Variants in C19orf44 observed in about 807,000 individuals in gnomAD.
C19orf44 encodes the protein chromosome 19 open reading frame 44.
A neutral mutation model predicts 50.7 loss-of-function variants in C19orf44; 43 were observed. The observed-to-expected ratio is 0.85, with a 90% confidence interval of 0.66 to 1.09. C19orf44 has a LOEUF of 1.09. Among genes scored for constraint, C19orf44 ranks in the 50% least tolerant of loss-of-function variants. C19orf44 has a pLI of 0.00. For missense variants in C19orf44, 722 were observed against 836.2 expected (o/e 0.86, Z 1.68); for synonymous variants, 298 against 334.7 (o/e 0.89, Z 1.20).
chr19:16,516,871 G>A (rs1377976362), intron 7 of C19orf44, among the ~76,000 whole-genome samples: 3 of 152,208 alleles, frequency 2.0e-5, no homozygotes, highest in Non-Finnish European at 4.4e-5. Context: ...TCTGTTGGGC[G>A]TCCATCAGCC....
In C19orf44 at chr19:16,521,202, C is replaced by A; in HGVS notation, c.*1149C>A. 1 of 578,740 alleles carries A rather than the reference C, an allele frequency of 1.7e-6. No individual in the cohort carries two copies. The highest frequency in any genetic ancestry group is 3.1e-6 in the Non-Finnish European group (1 of 323,604). The allele number at this position is 578,740 out of a possible 1,614,324, so 35.9% of individuals were successfully genotyped here. On this transcript the variant is annotated 3_prime_UTR_variant, in exon 9 of 9. Coordinates refer to ENST00000221671, the MANE Select transcript of C19orf44 (RefSeq NM_032207.4). ...ACAGGAACACTGACTCATGGGTGGA[C>A]AGGCCTGCAGCCCAGCACAGGAAGG...
Position 16,501,309 on chromosome 19 carries a change from T to C in C19orf44, c.517T>C (p.Phe173Leu). 1 of 1,614,056 alleles carries C rather than the reference T, an allele frequency of 6.2e-7. No homozygotes were observed. The highest frequency in any genetic ancestry group is 1.7e-5 in the Admixed American group (1 of 59,996). Residue 173 changes from phenylalanine to leucine, a missense_variant, in exon 2 of 9, where the codon TTT (phenylalanine) becomes CTT (leucine). Phe to Leu is a conservative substitution (Grantham distance 22). Transcript: ENST00000221671. ...TGCACAGAACGCGAAGGTCAGTAGG[T>C]TTCTAAAGAAGAAACAAGCACCTGT... ...NNAQNAKVSR[F>L]LKKKQAPVEN...
chr19:16,514,253 G>C (rs1158673856), intron 6 of C19orf44, among the ~76,000 whole-genome samples: 1 of 151,702 alleles, frequency 6.6e-6, no homozygotes, highest in African/African-American at 2.4e-5. Context: ...TGATCCGCCT[G>C]CCTCAGCCTT....
intron 5 of C19orf44, among the ~76,000 whole-genome samples, chr19:16,512,077 T>TG (rs911303943): frequency 1.3e-5 from 2 of 151,502 alleles, no homozygotes; most frequent in African/African-American, 2.4e-5. Flanking sequence ...TGTTTTGATT[T>TG]GGGGGCTTAA....
At chr19:16,506,255 G>A (rs530649265) in intron 3 of C19orf44, among the ~76,000 whole-genome samples, 20 of 152,118 alleles carry the variant, frequency 1.3e-4, no homozygotes, top group Admixed American at 3.9e-4. Context: ...GATTACAGGC[G>A]TGAGTCACCG....
intron 7 of C19orf44, 66 bp from the exon 8 acceptor site, chr19:16,517,164 A>C: frequency 6.8e-7 from 1 of 1,476,858 alleles, no homozygotes; most frequent in Non-Finnish European, 9.4e-7. Flanking sequence ...TCCCTCCTCC[A>C]GCACCCTGTC....
At chr19:16,497,150 G>A (rs967753627) in intron 1 of C19orf44, among the ~76,000 whole-genome samples, 1 of 151,952 alleles carries the variant, frequency 6.6e-6, no homozygotes, top group African/African-American at 2.4e-5. Context: ...GTTTCACCAT[G>A]TTTGCCACGC....
At chr19:16,510,714 T>C (rs188914348) in intron 5 of C19orf44, among the ~76,000 whole-genome samples, 5 of 152,190 alleles carry the variant, frequency 3.3e-5, no homozygotes, top group Non-Finnish European at 7.4e-5. Flanking sequence ...CCTGGGTGAC[T>C]TTCCAGATAT....
chr19:16,500,501 C>T (rs1004427374), intron 1 of C19orf44, among the ~76,000 whole-genome samples: 24 of 151,554 alleles, frequency 1.6e-4, no homozygotes, highest in Non-Finnish European at 2.9e-4. Flanking sequence ...TGCACCACCA[C>T]GTCCAGCTAA....
chr19:16,500,062 T>C (rs2093420660), intron 1 of C19orf44, among the ~76,000 whole-genome samples: 2 of 151,788 alleles, frequency 1.3e-5, no homozygotes, highest in South Asian at 4.1e-4. Flanking sequence ...GCTGGGATTA[T>C]AGGCATGAGC....
intron 8 of C19orf44, 24 bp downstream of exon 8, chr19:16,517,365 G>GCA (rs955515456): frequency 2.1e-5 from 30 of 1,422,480 alleles, no homozygotes; most frequent in South Asian, 5.9e-5. Flanking sequence ...TGTACTCAGT[G>GCA]CACACACACG....
chr19:16,504,424 C>T (rs2093434307), intron 3 of C19orf44, among the ~76,000 whole-genome samples: 1 of 151,950 alleles, frequency 6.6e-6, no homozygotes, highest in South Asian at 2.1e-4. Flanking sequence ...TGCTTTGGGG[C>T]CATGTCTCAG....
Position 16,519,409 on chromosome 19 carries a change from G to T in C19orf44, c.*41-685G>T, listed in dbSNP as rs536193270. The T allele has an allele frequency of 1.3e-6, 2 of 1,538,182 alleles. No homozygotes were observed. Among genetic ancestry groups the T allele is most frequent in the Non-Finnish European group, 1.8e-6 (2 of 1,128,760 alleles). ...AAGGCGGAGGCAGATGGGGGTGCAC[G>T]TGGGGGGCTGAATGTCCAGACAGGC... is the stretch of plus-strand genomic sequence containing the variant. On this transcript the variant is annotated intron_variant, in intron 8 of 8. Transcript: ENST00000221671. This position sits in a 1 kb window ranked among gnomAD's most constrained non-coding sequence, Gnocchi z 6.0.
chr19:16,500,675 G>C, intron 1 of C19orf44, 117 bp from the exon 2 acceptor site: 1 of 1,029,810 alleles, frequency 9.7e-7, no homozygotes, highest in Non-Finnish European at 1.4e-6. Flanking sequence ...TGGGCTTGAA[G>C]GGAAGACTGT....
chr19:16,517,396 C>A, intron 8 of C19orf44, 55 bp downstream of exon 8: 2 of 1,301,344 alleles, frequency 1.5e-6, no homozygotes, highest in Non-Finnish European at 2.2e-6. Context: ...TAGAGCTCAT[C>A]AGTGTCCAAG....
rs2085606606 is a variant in C19orf44 at position 16,520,811 on chromosome 19, C to T, written c.*758C>T. ...ACCCTGGCCCCCCGGCCACTGCAGA[C>T]ATCTGCGCTTTTACCTGTTCCTCTT... On this transcript the variant is annotated 3_prime_UTR_variant, in exon 9 of 9. Transcript: ENST00000221671. This position sits in a 1 kb window ranked among gnomAD's most constrained non-coding sequence, Gnocchi z 4.0. The T allele has an allele frequency of 6.2e-7, 1 of 1,612,898 alleles. No homozygotes were observed. Among genetic ancestry groups the T allele is most frequent in the Non-Finnish European group, 8.5e-7 (1 of 1,179,564 alleles).
At chr19:16,504,830 T>G (rs1339982565) in intron 3 of C19orf44, among the ~76,000 whole-genome samples, 2 of 151,378 alleles carry the variant, frequency 1.3e-5, no homozygotes, top group Admixed American at 1.3e-4. Context: ...GGTCTTTTTT[T>G]TTTTTTGAGA....
At chr19:16,498,263 C>A (rs2093415504) in intron 1 of C19orf44, among the ~76,000 whole-genome samples, 1 of 152,128 alleles carries the variant, frequency 6.6e-6, no homozygotes, top group Admixed American at 6.6e-5. Flanking sequence ...ACAATTCCCC[C>A]AACAACATAT....
Position 16,520,702 on chromosome 19 carries a change from A to C in C19orf44, c.*649A>C. The C allele has an allele frequency of 8.4e-7, 1 of 1,189,280 alleles. No individual in the cohort carries two copies. Among genetic ancestry groups the C allele is most frequent in the Non-Finnish European group, 1.2e-6 (1 of 812,836 alleles). 73.7% of individuals were successfully genotyped at this position (1,189,280 alleles called of 1,614,324 possible). On this transcript the variant is annotated 3_prime_UTR_variant, in exon 9 of 9. Transcript: ENST00000221671. The surrounding 1 kb of genome is among the most constrained non-coding windows in gnomAD (Gnocchi z 4.0). ...CTGTGTGAATTCAGGCCTTGTGGAA[A>C]ACACCGCCCCATAGGCACAGGCTGT...
Sources: gnomAD v4.1 joint callset for allele counts (sites outside exome capture counted in the v4.1 genomes callset) on GRCh38, gnomAD v4.1.1 for gene constraint, Gnocchi (gnomAD v3.1) non-coding constraint, MANE v1.5 for transcripts, NCBI Gene and HGNC (gene_info 2026-07-23, HGNC 2026-07-21) for gene names.